Variants in SV2B observed in about 807,000 individuals in gnomAD.
The protein encoded by SV2B is solute carrier family 22 member B2.
In SV2B, 41 loss-of-function variants were observed where a neutral mutation model predicts 73.9. The observed-to-expected ratio is 0.56, with a 90% CI of 0.43 to 0.72. SV2B has a LOEUF of 0.72. SV2B is among the 30% of genes least tolerant of loss of function. SV2B has a pLI of 0.00. For missense variants in SV2B, 764 were observed against 857.8 expected, an observed-to-expected ratio of 0.89 and a Z score of 1.37; for synonymous variants, 314 against 314.2, an observed-to-expected ratio of 1.00 and a Z score of 0.01.
chr15:91,120,701 C>T (rs2042307759), intron 1 of SV2B, among the ~76,000 whole-genome samples: 1 of 150,888 alleles, frequency 6.6e-6, no homozygotes, highest in Non-Finnish European at 1.5e-5. Context: ...GTAGTCATAG[C>T]TACTTGGGAG....
intron 1 of SV2B, among the ~76,000 whole-genome samples, chr15:91,210,401 A>G (rs917102792): frequency 9.9e-5 from 15 of 152,100 alleles, no homozygotes; most frequent in Admixed American, 9.2e-4. Flanking sequence ...GCAATCCTAG[A>G]GGACAGGGAA....
At chr15:91,230,783 A>G (rs1399556905) in intron 2 of SV2B, among the ~76,000 whole-genome samples, 2 of 152,206 alleles carry the variant, frequency 1.3e-5, no homozygotes, top group African/African-American at 2.4e-5. Context: ...CTGGCACTCA[A>G]TGAGTTTTAT....
chr15:91,186,995 A>G (rs1338753272), intron 1 of SV2B, among the ~76,000 whole-genome samples: 1 of 152,204 alleles, frequency 6.6e-6, no homozygotes, highest in East Asian at 1.9e-4. Context: ...TTAAAAGTAC[A>G]CTTTTTGTTT....
At position 91,255,214 on chromosome 15, in the gene SV2B, G is replaced by T. The variant is rs548385678; in HGVS notation, c.784+2694G>T. On this transcript the variant is annotated intron_variant, in intron 4 of 12. Transcript: ENST00000394232. Reference sequence around the variant, plus strand: ...TGTGACTTCTAGGAAAGCAATAAAAGAATTCAGGTTGGGGACATGTTGACC... The same window carrying T: ...TGTGACTTCTAGGAAAGCAATAAAATAATTCAGGTTGGGGACATGTTGACC... Among the ~76,000 whole-genome samples, 282 of 152,292 alleles carry T rather than the reference G, an allele frequency of 1.9e-3. 1 individual carries two copies. Among genetic ancestry groups the T allele is most frequent in the Non-Finnish European group, 2.7e-3 (182 of 68,024 alleles).
chr15:91,109,040 C>T (rs1406915915), intron 1 of SV2B, among the ~76,000 whole-genome samples: 1 of 152,212 alleles, frequency 6.6e-6, no homozygotes, highest in Non-Finnish European at 1.5e-5. Flanking sequence ...ATTGAAAATT[C>T]TCTCCTAACG....
intron 1 of SV2B, among the ~76,000 whole-genome samples, chr15:91,207,961 C>T (rs1295638953): frequency 1.3e-5 from 2 of 152,140 alleles, no homozygotes; most frequent in African/African-American, 2.4e-5. Context: ...CAGGTTTTAT[C>T]GCCTGCATCA....
At chr15:91,153,550 T>C (rs963988114) in intron 1 of SV2B, among the ~76,000 whole-genome samples, 1 of 152,174 alleles carries the variant, frequency 6.6e-6, no homozygotes, top group African/African-American at 2.4e-5. Flanking sequence ...AATAAGCTGA[T>C]TCATGGAAAA....
rs117493378 is a variant in SV2B at position 91,144,834 on chromosome 15, G to A, written c.-392+44471G>A. ...TAATTAACTCCAATCTATTTCTGCC[G>A]TGTTAATTAATGTGTGCATACAGAA... On this transcript the variant is annotated intron_variant, in intron 1 of 12. Coordinates refer to ENST00000394232, the MANE Select transcript of SV2B (RefSeq NM_001323032.3). 2.8e-4 allele frequency among the ~76,000 whole-genome samples: 42 copies of A among 151,180 alleles called. No homozygotes were observed. In the East Asian group the frequency reaches 7.4e-3, roughly 27 times the overall value.
intron 9 of SV2B, among the ~76,000 whole-genome samples, chr15:91,273,356 T>C (rs1365623611): frequency 6.6e-6 from 1 of 152,214 alleles, no homozygotes; most frequent in Admixed American, 6.5e-5. Flanking sequence ...TGTGATAATA[T>C]TGATGTAGAA....
At chr15:91,287,436 T>C (rs1047835523) in intron 11 of SV2B, among the ~76,000 whole-genome samples, 7 of 152,176 alleles carry the variant, frequency 4.6e-5, no homozygotes, top group African/African-American at 1.7e-4. Context: ...TATTTCCACC[T>C]CATTGCCAGT....
intron 1 of SV2B, among the ~76,000 whole-genome samples, chr15:91,187,659 TG>T (rs1381052300): frequency 5.3e-4 from 70 of 130,912 alleles, no homozygotes; most frequent in African/African-American, 1.9e-3. Flanking sequence ...TTTTATGTTT[TG>T]TTTTTTTTTT....
chr15:91,258,042 C>A lies in SV2B; in HGVS notation c.785-379C>A. Among the ~76,000 whole-genome samples, 1 of 152,176 alleles carries A rather than the reference C, an allele frequency of 6.6e-6. No homozygotes were observed. Among genetic ancestry groups the A allele is most frequent in the South Asian group, 2.1e-4 (1 of 4,828 alleles). ...GGCAAATAGAATATGTTTCCTTTAA[C>A]AATCTGCCATCTTAAAATATAATGA... On this transcript the variant is annotated intron_variant, in intron 4 of 12. Coordinates refer to ENST00000394232, the MANE Select transcript of SV2B (RefSeq NM_001323032.3). This position sits in a 1 kb window ranked among gnomAD's most constrained non-coding sequence, Gnocchi z 4.7.
At chr15:91,195,166 GT>G (rs951307544) in intron 1 of SV2B, among the ~76,000 whole-genome samples, 2 of 151,026 alleles carry the variant, frequency 1.3e-5, no homozygotes, top group Admixed American at 6.6e-5. Flanking sequence ...GTAAACTATT[GT>G]TTTTTTTTGA....
In SV2B at chr15:91,298,745, A is replaced by G. The variant is rs1052900066; in HGVS notation, c.*6193A>G. The stretch of plus-strand genomic sequence containing the variant: ...AGAGACCATTAATATGTATTCCTTT[A>G]GAAAGCAAAGGTCTTTCAGAAGCTG... On this transcript the variant is annotated 3_prime_UTR_variant, in exon 13 of 13. Transcript: ENST00000394232. The surrounding 1 kb of genome is among the most constrained non-coding windows in gnomAD (Gnocchi z 5.4). The G allele has an allele frequency of 3.3e-5, 5 of 152,330 alleles. No individual in the cohort carries two copies. The East Asian group carries it at 9.6e-4, about 29-fold the overall frequency. 9.4% of individuals were successfully genotyped at this position (152,330 alleles called of 1,614,324 possible).
Position 91,297,362 on chromosome 15 carries a change from C to T in SV2B, c.*4810C>T, listed in dbSNP as rs1596824944. ...GGTATTTACTGGGAACATTGCTGCC[C>T]CTCCTCCAAATTGAGGGTCTTGGCT... On this transcript the variant is annotated 3_prime_UTR_variant, in exon 13 of 13. Coordinates refer to ENST00000394232, the MANE Select transcript of SV2B (RefSeq NM_001323032.3). The surrounding 1 kb of genome is among the most constrained non-coding windows in gnomAD (Gnocchi z 5.1). 6.6e-6 allele frequency: 1 copy of T among 152,188 alleles called. No homozygotes were observed. The highest frequency in any genetic ancestry group is 1.5e-5 in the Non-Finnish European group (1 of 68,054). The allele number at this position is 152,188 out of a possible 1,614,324, so 9.4% of individuals were successfully genotyped here.
At chr15:91,174,923 T>A (rs1263791041) in intron 1 of SV2B, among the ~76,000 whole-genome samples, 1 of 152,190 alleles carries the variant, frequency 6.6e-6, no homozygotes, top group Admixed American at 6.5e-5. Context: ...AGACTTCTAT[T>A]CTGAGGGTCA....
intron 4 of SV2B, among the ~76,000 whole-genome samples, chr15:91,255,580 A>G (rs2047657143): frequency 6.6e-6 from 1 of 152,228 alleles, no homozygotes; most frequent in African/African-American, 2.4e-5. Flanking sequence ...GAACTTACTC[A>G]TGTAACCAAA....
chr15:91,280,212 G>A lies in SV2B; in HGVS notation c.1374-1516G>A, dbSNP rs1285042122. On this transcript the variant is annotated intron_variant, in intron 9 of 12. Transcript: ENST00000394232. This position sits in a 1 kb window ranked among gnomAD's most constrained non-coding sequence, Gnocchi z 5.8. ...CTAATGATTGGCAGCTCTAGATTAA[G>A]GTTCTGAGCAGGACATGATAGAGCA... Among the ~76,000 whole-genome samples the A allele has an allele frequency of 6.6e-6, 1 of 152,196 alleles. No individual in the cohort carries two copies. The highest frequency in any genetic ancestry group is 6.5e-5 in the Admixed American group (1 of 15,282).
In SV2B at chr15:91,195,950, A is replaced by G. The variant is rs146014209; in HGVS notation, c.-391-29923A>G. On this transcript the variant is annotated intron_variant, in intron 1 of 12. Coordinates refer to ENST00000394232, the MANE Select transcript of SV2B (RefSeq NM_001323032.3). ...GGAAAGGCTGAGGTTCTGCAATTCTATTCTACTGCAACTAGAACAAAATAT... is the reference window on the plus strand; with the variant it reads ...GGAAAGGCTGAGGTTCTGCAATTCTGTTCTACTGCAACTAGAACAAAATAT... Among the ~76,000 whole-genome samples, 119 of 152,348 alleles carry G rather than the reference A, an allele frequency of 7.8e-4. 2 individuals are homozygous for G. The highest frequency in any genetic ancestry group is 3.4e-3 in the Middle Eastern group (1 of 294).
Sources: allele counts gnomAD v4.1 joint callset (sites outside exome capture counted in the v4.1 genomes callset), GRCh38; gene constraint gnomAD v4.1.1; non-coding constraint Gnocchi (gnomAD v3.1); transcripts MANE v1.5; gene names NCBI Gene and HGNC (gene_info 2026-07-23, HGNC 2026-07-21).